The following ZNF44 variants were observed in gnomAD, a reference collection of about 807,000 sequenced individuals.
ZNF44 encodes the protein gonadotropin inducible transcription repressor-2.
Under a neutral mutation model 11.7 loss-of-function variants are expected in ZNF44, and 9 were observed. The observed-to-expected ratio is 0.77, with a 90% CI of 0.46 to 1.35. The LOEUF (loss-of-function observed/expected upper bound fraction) is 1.35, where lower values mean the gene tolerates loss of function less well. ZNF44 is among the 40% of genes most tolerant of loss of function. The pLI, the probability that ZNF44 is intolerant of heterozygous loss-of-function variation, is 0.00. For missense variants in ZNF44, 696 were observed against 743.1 expected (o/e 0.94, Z 0.74); for synonymous variants, 224 against 242.7 (o/e 0.92, Z 0.72).
chr19:12,239,150 T>TTGCCCAGGCTGGAGTGCAG (rs1402425074), upstream of ZNF44, among the ~76,000 whole-genome samples: 46 of 152,274 alleles, frequency 3.0e-4, 1 homozygote, highest in Admixed American at 2.2e-3. Flanking sequence ...TCTAGCTCTG[T>TTGCCCAGGCTGGAGTGCAG]TGCCCAGGCT....
chr19:12,292,885 CAG>C (rs1222737724), intron 1 of ZNF44, among the ~76,000 whole-genome samples: 1 of 91,130 alleles, frequency 1.1e-5, no homozygotes, highest in East Asian at 3.9e-4. Context: ...TTTTTTGAGA[CAG>C]AGTTTCCCTC....
exon 8 of ZNF44, chr19:12,248,598 C>T: frequency 7.7e-7 from 1 of 1,296,832 alleles, no homozygotes; most frequent in Non-Finnish European, 1.0e-6. Context: ...CTTGTTCAGA[C>T]TGAGATTTGC....
intron 1 of ZNF44, among the ~76,000 whole-genome samples, chr19:12,294,080 G>C (rs1308887127): frequency 6.6e-6 from 1 of 152,158 alleles, no homozygotes; most frequent in Non-Finnish European, 1.5e-5. Context: ...ATCTCTGAGA[G>C]TTGCTCAAGA....
At chr19:12,256,064 A>AAAAAAC (rs1917246011) in intron 5 of ZNF44, among the ~76,000 whole-genome samples, 1 of 141,324 alleles carries the variant, frequency 7.1e-6, no homozygotes, top group Non-Finnish European at 1.5e-5. Context: ...AAAAAAAAAA[A>AAAAAAC]CAGCCTACAT....
At chr19:12,274,601 G>A (rs1967135030) in intron 3 of ZNF44, among the ~76,000 whole-genome samples, 1 of 145,816 alleles carries the variant, frequency 6.9e-6, no homozygotes, top group African/African-American at 2.6e-5. Context: ...ACAGGGTCTT[G>A]CTCTGTCACT....
At chr19:12,278,526 T>C (rs1300891173) in intron 1 of ZNF44, among the ~76,000 whole-genome samples, 1 of 151,014 alleles carries the variant, frequency 6.6e-6, no homozygotes, top group Non-Finnish European at 1.5e-5. Context: ...AGGCAAGGAG[T>C]TCAAGACCAG....
intron 5 of ZNF44, chr19:12,260,511 C>A: frequency 1.7e-6 from 2 of 1,198,972 alleles, no homozygotes; most frequent in South Asian, 1.3e-5. Context: ...GAAGCGGAAG[C>A]GGACCCGCGC....
chr19:12,242,711 G>A (rs1470998569), downstream of ZNF44: 1 of 151,538 alleles, frequency 6.6e-6, no homozygotes, highest in Non-Finnish European at 1.5e-5. Context: ...AATTACCTGG[G>A]CATGGTAGTG....
upstream of ZNF44, among the ~76,000 whole-genome samples, chr19:12,241,893 CAT>C (rs927060548): frequency 3.9e-5 from 6 of 152,144 alleles, no homozygotes; most frequent in East Asian, 1.9e-4. Context: ...TACATGCTAA[CAT>C]GTGGATGAAC....
rs138619629 is a variant in ZNF44, at chr19:12,262,204, G to A, written c.1912+10283C>T. ...ACATAAGTTTTGAGTAGTTTCCATC[G>A]TATCATTAAAATAGGAACTCAATTG... On this transcript the variant is annotated intron_variant and NMD_transcript_variant, in intron 5 of 7. Coordinates refer to the ZNF44 transcript ENST00000393337. 7.3e-3 allele frequency among the ~76,000 whole-genome samples: 1,115 copies of A among 152,172 alleles called. 17 individuals are homozygous for A. Among genetic ancestry groups the A allele is most frequent in the African/African-American group, 0.023 (976 of 41,538 alleles).
At chr19:12,282,496 A>G (rs2145748566) in intron 1 of ZNF44, among the ~76,000 whole-genome samples, 1 of 144,816 alleles carries the variant, frequency 6.9e-6, no homozygotes, top group East Asian at 2.0e-4. Flanking sequence ...ATCTCAGCTC[A>G]CTGCAACCTC....
intron 7 of ZNF44, among the ~76,000 whole-genome samples, chr19:12,249,366 C>T (rs1247840854): frequency 2.7e-5 from 4 of 150,338 alleles, no homozygotes; most frequent in African/African-American, 9.7e-5. Flanking sequence ...ATTAGCCGGG[C>T]GTGGTGGTGG....
At chr19:12,258,611 C>T (rs1917368220) in intron 5 of ZNF44, among the ~76,000 whole-genome samples, 1 of 152,136 alleles carries the variant, frequency 6.6e-6, no homozygotes, top group South Asian at 2.1e-4. Context: ...AGGTGAATCA[C>T]TTGCGGCCAG....
At chr19:12,259,795 A>AT (rs1235588165) in intron 5 of ZNF44, among the ~76,000 whole-genome samples, 2 of 152,208 alleles carry the variant, frequency 1.3e-5, no homozygotes, top group African/African-American at 4.8e-5. Context: ...CATGGGTGTT[A>AT]TCCCCCACTA....
At chr19:12,284,098 T>C (rs935682582) in intron 1 of ZNF44, among the ~76,000 whole-genome samples, 3 of 152,146 alleles carry the variant, frequency 2.0e-5, no homozygotes, top group Admixed American at 6.5e-5. Flanking sequence ...GATTCGTGTA[T>C]AAAGTATGCC....
intron 5 of ZNF44, among the ~76,000 whole-genome samples, chr19:12,260,807 G>T (rs909728492): frequency 6.6e-5 from 10 of 152,126 alleles, no homozygotes; most frequent in African/African-American, 2.4e-4. Flanking sequence ...ACACAGAGCA[G>T]CACAGCACAA....
intron 3 of ZNF44, among the ~76,000 whole-genome samples, chr19:12,229,740 A>C (rs919978492): frequency 1.3e-5 from 2 of 151,876 alleles, no homozygotes; most frequent in African/African-American, 4.8e-5. Flanking sequence ...CAGCCTCCCA[A>C]GTACTGGGAC....
chr19:12,243,276 C>T (rs1302731727), downstream of ZNF44, among the ~76,000 whole-genome samples: 4 of 152,190 alleles, frequency 2.6e-5, no homozygotes, highest in Non-Finnish European at 4.4e-5. Context: ...CCATGCTGTA[C>T]ATTAAATCTC....
chr19:12,232,622 T>C (rs569038573), intron 2 of ZNF44, among the ~76,000 whole-genome samples: 1 of 152,310 alleles, frequency 6.6e-6, no homozygotes, highest in South Asian at 2.1e-4. Flanking sequence ...TAACCCTGAG[T>C]TGACACAGCA....
Sources: gnomAD v4.1 joint callset for allele counts (sites outside exome capture counted in the v4.1 genomes callset) on GRCh38, gnomAD v4.1.1 for gene constraint, MANE v1.5 for transcripts, NCBI Gene and HGNC (gene_info 2026-07-23, HGNC 2026-07-21) for gene names.